MECOM: variants seen among roughly 807,000 people sequenced by gnomAD.
MECOM encodes MDS1 and EVI1 complex locus.
MECOM carries 13 observed loss-of-function variants against 116.3 expected under a neutral mutation model. The ratio of observed to expected loss-of-function variants is 0.11; its 90% CI spans 0.07 to 0.18. MECOM has a LOEUF of 0.18. MECOM is among the 10% of genes least tolerant of loss of function. MECOM has a pLI of 1.00. For synonymous variants in MECOM, 528 were observed against 535.2 expected, an observed-to-expected ratio of 0.99 and a Z score of 0.19; for missense variants, 1,299 against 1,509.0, an observed-to-expected ratio of 0.86 and a Z score of 2.31.
At chr3:169,278,825 T>A (rs1759926944) in intron 2 of MECOM, among the ~76,000 whole-genome samples, 2 of 152,354 alleles carry the variant, frequency 1.3e-5, no homozygotes, top group South Asian at 4.1e-4. Flanking sequence ...ATTCACTGTT[T>A]GAGCATTTAT....
At chr3:169,508,138 G>A (rs565756489) in intron 1 of MECOM, among the ~76,000 whole-genome samples, 8 of 152,252 alleles carry the variant, frequency 5.3e-5, no homozygotes, top group Admixed American at 3.9e-4. Context: ...TGGGGCTGGC[G>A]ATAAATGGAT....
chr3:169,423,676 C>T (rs1427797592), intron 1 of MECOM, among the ~76,000 whole-genome samples: 2 of 152,014 alleles, frequency 1.3e-5, no homozygotes, highest in African/African-American at 4.8e-5. Context: ...TAATAGGAAA[C>T]ATGCAGGGAT....
chr3:169,189,170 G>A (rs1747182363), intron 2 of MECOM, among the ~76,000 whole-genome samples: 1 of 152,056 alleles, frequency 6.6e-6, no homozygotes, highest in Non-Finnish European at 1.5e-5. Flanking sequence ...TAAGACCTAT[G>A]TTGCTTTAAC....
rs534832690 is a variant in MECOM, at chr3:169,099,969, T to G, written c.2849+916A>C. 3.3e-5 allele frequency among the ~76,000 whole-genome samples: 5 copies of G among 152,208 alleles called. No homozygotes were observed. The South Asian group carries it at 6.2e-4, about 19-fold the overall frequency. On this transcript the variant is annotated intron_variant, in intron 12 of 16. Coordinates refer to ENST00000651503, the MANE Select transcript of MECOM (RefSeq NM_004991.4). ...TAAACTAAGAGGTAATTTAGGAAAT[T>G]ATTGATAAAATTGCCCGTTTTTCTA...
intron 2 of MECOM, among the ~76,000 whole-genome samples, chr3:169,266,161 C>T (rs971516679): frequency 2.6e-5 from 4 of 152,092 alleles, no homozygotes; most frequent in Non-Finnish European, 5.9e-5. Context: ...ATGGAATTAA[C>T]TCAAAAAAGG....
rs897201433 is a variant in MECOM, at chr3:169,611,257, C to T, written c.37+52079G>A. On this transcript the variant is annotated intron_variant, in intron 1 of 16. Transcript: ENST00000651503. This position sits in a 1 kb window ranked among gnomAD's most constrained non-coding sequence, Gnocchi z 4.1. ...TCACCAAGAGTGACAGATAGTGCCT[C>T]GGGCACTGCCACTGTCTCTTCCAAT... is the stretch of plus-strand genomic sequence containing the variant. Among the ~76,000 whole-genome samples, 2 of 152,190 alleles carry T rather than the reference C, an allele frequency of 1.3e-5. No homozygotes were observed. The highest frequency in any genetic ancestry group is 1.5e-5 in the Non-Finnish European group (1 of 68,024).
At chr3:169,103,810 T>C (rs1436794691) in intron 10 of MECOM, among the ~76,000 whole-genome samples, 1 of 152,192 alleles carries the variant, frequency 6.6e-6, no homozygotes, top group African/African-American at 2.4e-5. Context: ...GAACATGATC[T>C]CTTCTCACAA....
chr3:169,387,670 T>C (rs1733581681), intron 1 of MECOM, among the ~76,000 whole-genome samples: 2 of 152,210 alleles, frequency 1.3e-5, no homozygotes, highest in African/African-American at 4.8e-5. Flanking sequence ...AAGAAGTTAA[T>C]TATTTATACT....
rs187704249 is a variant in MECOM, at chr3:169,530,980, T to A, written c.37+132356A>T. Among the ~76,000 whole-genome samples, 1,031 of 152,226 alleles carry A rather than the reference T, an allele frequency of 6.8e-3. 7 individuals carry two copies. The highest frequency in any genetic ancestry group is 0.011 in the South Asian group (53 of 4,820). On this transcript the variant is annotated intron_variant, in intron 1 of 16. Coordinates refer to ENST00000651503, the MANE Select transcript of MECOM (RefSeq NM_004991.4). ...TGTAGAATTTCGCCATGACTGAGCC[T>A]CTCCTGCAGGTTACCACACCTAAAT...
chr3:169,454,446 T>C (rs1746147174), intron 1 of MECOM, among the ~76,000 whole-genome samples: 1 of 150,874 alleles, frequency 6.6e-6, no homozygotes, highest in Admixed American at 6.6e-5. Context: ...GCCGTAAGTA[T>C]TCACAAGGCC....
intron 2 of MECOM, among the ~76,000 whole-genome samples, chr3:169,374,627 G>A (rs952444723): frequency 3.3e-5 from 5 of 151,862 alleles, no homozygotes; most frequent in South Asian, 4.1e-4. Flanking sequence ...CAATTCTCAC[G>A]TTGTCTCATA....
intron 1 of MECOM, among the ~76,000 whole-genome samples, chr3:169,596,236 A>C (rs896762695): frequency 6.6e-6 from 1 of 152,218 alleles, no homozygotes; most frequent in Non-Finnish European, 1.5e-5. Context: ...TGGCCTTAGA[A>C]GAAAACACTT....
chr3:169,412,450 G>C (rs575490697), intron 1 of MECOM, among the ~76,000 whole-genome samples: 35 of 152,052 alleles, frequency 2.3e-4, no homozygotes, highest in African/African-American at 8.4e-4. Flanking sequence ...TTTCTCATCT[G>C]GCTTCTGTGA....
At chr3:169,429,531 A>G (rs1741258345) in intron 1 of MECOM, among the ~76,000 whole-genome samples, 1 of 152,174 alleles carries the variant, frequency 6.6e-6, no homozygotes, top group Non-Finnish European at 1.5e-5. Flanking sequence ...TGTTGCCTGA[A>G]TGTTGCATGG....
intron 2 of MECOM, among the ~76,000 whole-genome samples, chr3:169,358,293 T>C (rs1377133821): frequency 6.6e-6 from 1 of 151,804 alleles, no homozygotes; most frequent in Non-Finnish European, 1.5e-5. Flanking sequence ...CACTTCAGAA[T>C]AAAGGGCAGG....
intron 1 of MECOM, among the ~76,000 whole-genome samples, chr3:169,481,175 T>C (rs775399782): frequency 8.5e-5 from 13 of 152,310 alleles, no homozygotes; most frequent in Admixed American, 6.5e-4. Flanking sequence ...AATCTACTAA[T>C]GTGTTAATCG....
intron 1 of MECOM, among the ~76,000 whole-genome samples, chr3:169,515,577 T>G (rs1051876667): frequency 4.6e-5 from 7 of 152,142 alleles, no homozygotes; most frequent in African/African-American, 1.7e-4. Flanking sequence ...GAAGCTGAGA[T>G]TCCAGAAGAG....
chr3:169,178,988 C>T (rs562892148), intron 2 of MECOM, among the ~76,000 whole-genome samples: 15 of 152,250 alleles, frequency 9.9e-5, no homozygotes, highest in South Asian at 2.1e-4. Flanking sequence ...TAATATACTA[C>T]GCCCACAATA....
At chr3:169,201,495 C>A (rs1749148092) in intron 2 of MECOM, among the ~76,000 whole-genome samples, 1 of 151,994 alleles carries the variant, frequency 6.6e-6, no homozygotes, top group Admixed American at 6.6e-5. Flanking sequence ...GAACCACTTC[C>A]CATACCCTCA....
Sources: allele counts gnomAD v4.1 joint callset (sites outside exome capture counted in the v4.1 genomes callset), GRCh38; gene constraint gnomAD v4.1.1; non-coding constraint Gnocchi (gnomAD v3.1); transcripts MANE v1.5; gene names NCBI Gene and HGNC (gene_info 2026-07-23, HGNC 2026-07-21).